The following DAAM1 variants were observed in gnomAD, a reference collection of about 807,000 sequenced individuals.
DAAM1 encodes dishevelled associated activator of morphogenesis 1, also known as disheveled-associated activator of morphogenesis 1.
DAAM1 carries 52 observed loss-of-function variants against 130.0 expected under a neutral mutation model. That is an observed-to-expected ratio of 0.40 (90% CI 0.32 to 0.50). The LOEUF is 0.50. Ranked by LOEUF, DAAM1 falls within the 20% of genes least tolerant of loss-of-function variation. DAAM1 has a pLI of 0.61. For synonymous variants in DAAM1, 452 were observed against 444.5 expected (o/e 1.02, Z -0.21); for missense variants, 1,134 against 1,303.8 (o/e 0.87, Z 2.01).
At chr14:59,262,821 AT>A (rs1882235542) in intron 1 of DAAM1, among the ~76,000 whole-genome samples, 1 of 152,162 alleles carries the variant, frequency 6.6e-6, no homozygotes, top group South Asian at 2.1e-4. Flanking sequence ...TACAGTGAAC[AT>A]TTATGGAGTG....
At chr14:59,219,147 A>G (rs913860456) in intron 1 of DAAM1, among the ~76,000 whole-genome samples, 1 of 152,132 alleles carries the variant, frequency 6.6e-6, no homozygotes, top group Non-Finnish European at 1.5e-5. Flanking sequence ...TTTGGTGGTG[A>G]TGGTGTCTAC....
chr14:59,363,454 G>T (rs112307409), intron 22 of DAAM1, 197 bp from the exon 23 acceptor site: 5 of 594,262 alleles, frequency 8.4e-6, no homozygotes, highest in African/African-American at 7.5e-5. Flanking sequence ...GCAAATATGC[G>T]TGTGCACATG....
Position 59,367,543 on chromosome 14 carries a change from G to T in DAAM1, c.2941G>T (p.Glu981Ter), listed in dbSNP as rs768979450. The change falls in exon 24 of 25, where the codon GAA (glutamate) becomes TAA (stop). Residue 981 changes from glutamate (E) to a stop codon, truncating the protein, a stop_gained. Transcript: ENST00000360909. LOFTEE classifies it high-confidence loss of function. ...QAVSEAKQEN[E>*]NMRKKKEEEE... is the part of the protein sequence containing the mutation. ...TGTGTCAGAAGCCAAACAAGAAAAC[G>T]AAAATATGAGAAAGAAAAAGGAGGA... The T allele has an allele frequency of 2.5e-6, 4 of 1,613,678 alleles. No individual in the cohort carries two copies. Among genetic ancestry groups the T allele is most frequent in the Non-Finnish European group, 3.4e-6 (4 of 1,179,884 alleles).
At position 59,322,946 on chromosome 14, in the gene DAAM1, A is replaced by G. The variant is rs890045593; in HGVS notation, c.495A>G (p.Leu165=). 1 of 1,613,924 alleles carries G rather than the reference A, an allele frequency of 6.2e-7. No individual in the cohort carries two copies. Among genetic ancestry groups the G allele is most frequent in the African/African-American group, 1.3e-5 (1 of 74,888 alleles). The change falls in exon 6 of 25, where the codon CTA becomes CTG. Residue 165 remains leucine (L), a synonymous_variant. Coordinates refer to ENST00000360909, the MANE Select transcript of DAAM1 (RefSeq NM_001270520.2). The part of the protein sequence containing the change: ...LDGLSCILNF[L]KTMDYETSES... ...GCCTATCATGTATCCTCAACTTTCT[A>G]AAGACCATGGACTACGAGACCTCAG...
chr14:59,307,447 G>A (rs1884416816), intron 3 of DAAM1, among the ~76,000 whole-genome samples: 1 of 152,164 alleles, frequency 6.6e-6, no homozygotes, highest in Non-Finnish European at 1.5e-5. Flanking sequence ...ATGGATTCAT[G>A]CCATGCTTTT....
At chr14:59,344,152 T>C (rs1594837716) in intron 16 of DAAM1, among the ~76,000 whole-genome samples, 1 of 152,288 alleles carries the variant, frequency 6.6e-6, no homozygotes, top group African/African-American at 2.4e-5. Flanking sequence ...GTTCTTTTTT[T>C]CCAGATGCTC....
At chr14:59,244,122 T>G (rs924097367) in intron 1 of DAAM1, among the ~76,000 whole-genome samples, 5 of 152,138 alleles carry the variant, frequency 3.3e-5, no homozygotes, top group Admixed American at 1.3e-4. Flanking sequence ...GGGGGTGATT[T>G]CCGCTTTCAC....
chr14:59,355,427 C>A, intron 20 of DAAM1, 94 bp downstream of exon 20: 1 of 1,435,714 alleles, frequency 7.0e-7, no homozygotes, highest in Non-Finnish European at 9.5e-7. Context: ...CTTCATGACA[C>A]TGCATTCTTC....
At chr14:59,242,918 A>G (rs1358269877) in intron 1 of DAAM1, among the ~76,000 whole-genome samples, 1 of 152,230 alleles carries the variant, frequency 6.6e-6, no homozygotes, top group East Asian at 1.9e-4. Flanking sequence ...TATAGAGCCT[A>G]GAAATATATG....
chr14:59,223,541 T>C (rs1052478766), intron 1 of DAAM1, among the ~76,000 whole-genome samples: 6 of 152,120 alleles, frequency 3.9e-5, no homozygotes, highest in Non-Finnish European at 8.8e-5. Context: ...TCAGGCAATG[T>C]TGGAATCTGC....
At chr14:59,225,019 GTTTTTTTT>G (rs869233694) in intron 1 of DAAM1, among the ~76,000 whole-genome samples, 3 of 90,784 alleles carry the variant, frequency 3.3e-5, no homozygotes, top group Admixed American at 1.2e-4. Context: ...ATCTGTGTGG[GTTTTTTTT>G]TTTTTTTTTT....
chr14:59,200,889 C>T (rs546354568), intron 1 of DAAM1, among the ~76,000 whole-genome samples: 1 of 152,168 alleles, frequency 6.6e-6, no homozygotes, highest in South Asian at 2.1e-4. Flanking sequence ...AGGCGGGGTG[C>T]GGTGGCTCGC....
chr14:59,240,299 A>G (rs1296739290), intron 1 of DAAM1, among the ~76,000 whole-genome samples: 1 of 152,176 alleles, frequency 6.6e-6, no homozygotes, highest in East Asian at 1.9e-4. Context: ...GCATATACAA[A>G]TTAGCTGAAA....
At chr14:59,355,031 A>G in intron 19 of DAAM1, 134 bp from the exon 20 acceptor site, 1 of 1,220,314 alleles carries the variant, frequency 8.2e-7, no homozygotes, top group South Asian at 1.6e-5. Context: ...TGCTCTTGGT[A>G]ACCCAATAAC....
rs76672645 is a variant in DAAM1, at chr14:59,210,604, T to C, written c.-38+21836T>C. ...GGTCTCTTGCTTCAGTTTCGCATAA[T>C]TAATTATCTTAACATACCCTCTCCT... On this transcript the variant is annotated intron_variant, in intron 1 of 24. Coordinates refer to ENST00000360909, the MANE Select transcript of DAAM1 (RefSeq NM_001270520.2). Among the ~76,000 whole-genome samples, 1,226 of 152,360 alleles carry C rather than the reference T, an allele frequency of 8.0e-3. 10 individuals carry two copies. Among genetic ancestry groups the C allele is most frequent in the Non-Finnish European group, 0.014 (961 of 68,036 alleles).
At chr14:59,238,225 C>A (rs1594773708) in intron 1 of DAAM1, among the ~76,000 whole-genome samples, 1 of 152,106 alleles carries the variant, frequency 6.6e-6, no homozygotes, top group South Asian at 2.1e-4. Flanking sequence ...GGCTGGTTGG[C>A]TTTGTGGCTT....
chr14:59,295,489 T>C (rs1356454351), intron 3 of DAAM1, among the ~76,000 whole-genome samples: 1 of 152,192 alleles, frequency 6.6e-6, no homozygotes, highest in Non-Finnish European at 1.5e-5. Flanking sequence ...TTCCTGACTC[T>C]TCCCCACAAA....
At position 59,363,891 on chromosome 14, in the gene DAAM1, C is replaced by T. The variant is rs1183621269; in HGVS notation, c.2826+109C>T. ...AATAGCAGGAGTGAGATCCAAACTTCGTGGTGCAGGAAATAAAGTAGTAGA... is the reference window on the plus strand; with the variant it reads ...AATAGCAGGAGTGAGATCCAAACTTTGTGGTGCAGGAAATAAAGTAGTAGA... On this transcript the variant is annotated intron_variant, in intron 23 of 24. Coordinates refer to ENST00000360909, the MANE Select transcript of DAAM1 (RefSeq NM_001270520.2). 1.4e-5 allele frequency: 20 copies of T among 1,465,754 alleles called. No individual in the cohort carries two copies. The Middle Eastern group carries it at 6.5e-4, about 48-fold the overall frequency. 90.8% of individuals were successfully genotyped at this position (1,465,754 alleles called of 1,614,324 possible). A position where few individuals can be genotyped will look rare whatever the true frequency, so the allele number is the denominator to read the frequency against.
At chr14:59,241,837 T>G (rs765318473) in intron 1 of DAAM1, among the ~76,000 whole-genome samples, 2 of 152,184 alleles carry the variant, frequency 1.3e-5, no homozygotes, top group African/African-American at 4.8e-5. Flanking sequence ...ATACTAATCC[T>G]AGATCCGGGG....
Sources: gnomAD v4.1 joint callset for allele counts (sites outside exome capture counted in the v4.1 genomes callset) on GRCh38, gnomAD v4.1.1 for gene constraint, MANE v1.5 for transcripts, NCBI Gene and HGNC (gene_info 2026-07-23, HGNC 2026-07-21) for gene names.